Variants in SPOCK3 observed in about 807,000 individuals in gnomAD.
SPOCK3 encodes testican-3.
In SPOCK3, 30 loss-of-function variants were observed where a neutral mutation model predicts 56.6. That is an observed-to-expected ratio of 0.53 (90% CI 0.40 to 0.72). SPOCK3 has a LOEUF of 0.72. Ranked by LOEUF, SPOCK3 falls within the 30% of genes least tolerant of loss-of-function variation. The pLI is 0.00. For missense variants in SPOCK3, 527 were observed against 530.0 expected (o/e 0.99, Z 0.06); for synonymous variants, 196 against 183.3 (o/e 1.07, Z -0.56).
At position 166,858,809 on chromosome 4, in the gene SPOCK3, TC is replaced by T. The variant is rs370618304; in HGVS notation, c.589+30320del. ...AACAAATACAAGCACATTATTTTCT[TC>T]CTGCTCACTGTTGGGCTCTTTTCAT... On this transcript the variant is annotated intron_variant, in intron 6 of 10. Transcript: ENST00000357545. Among the ~76,000 whole-genome samples, 589 of 152,308 alleles carry T rather than the reference TC, an allele frequency of 3.9e-3. 3 individuals carry two copies. The highest frequency in any genetic ancestry group is 0.013 in the African/African-American group (548 of 41,574).
At chr4:167,129,601 C>T (rs969687792) in intron 2 of SPOCK3, among the ~76,000 whole-genome samples, 1 of 151,650 alleles carries the variant, frequency 6.6e-6, no homozygotes, top group Admixed American at 6.6e-5. Context: ...TTCTTCATTT[C>T]CTTGTCACTC....
chr4:167,107,544 T>C (rs968564550), intron 2 of SPOCK3, among the ~76,000 whole-genome samples: 8 of 151,858 alleles, frequency 5.3e-5, no homozygotes, highest in Non-Finnish European at 1.0e-4. Context: ...TAGTATCATA[T>C]TGAATAAAGA....
chr4:167,030,528 G>T (rs10012353), intron 3 of SPOCK3, among the ~76,000 whole-genome samples: 2 of 151,858 alleles, frequency 1.3e-5, no homozygotes, highest in African/African-American at 2.4e-5. Context: ...GCAAGAAAAT[G>T]ACATTCTGTA....
At chr4:166,845,994 G>A (rs1467779158) in intron 6 of SPOCK3, among the ~76,000 whole-genome samples, 2 of 152,222 alleles carry the variant, frequency 1.3e-5, no homozygotes, top group Non-Finnish European at 1.5e-5. Context: ...ACTGAATAGT[G>A]TAGGCAATTA....
chr4:166,794,284 T>C (rs934622633), intron 6 of SPOCK3, among the ~76,000 whole-genome samples: 2 of 150,914 alleles, frequency 1.3e-5, no homozygotes, highest in South Asian at 4.2e-4. Flanking sequence ...TGTCTCTGTT[T>C]AAGCCATCTT....
intron 8 of SPOCK3, among the ~76,000 whole-genome samples, chr4:166,749,983 C>A (rs1413955549): frequency 6.6e-6 from 1 of 151,988 alleles, no homozygotes; most frequent in Admixed American, 6.6e-5. Flanking sequence ...ACTTGAACAC[C>A]CTCGTGCATT....
chr4:166,754,822 G>C (rs1199658836), intron 7 of SPOCK3, 93 bp from the exon 8 acceptor site: 1 of 1,083,780 alleles, frequency 9.2e-7, no homozygotes, highest in African/African-American at 1.6e-5. Context: ...GCTAGTGTAG[G>C]ACATCTAATG....
At chr4:166,911,593 A>G (rs1737278662) in intron 5 of SPOCK3, among the ~76,000 whole-genome samples, 1 of 152,126 alleles carries the variant, frequency 6.6e-6, no homozygotes, top group South Asian at 2.1e-4. Context: ...GCTGGAGTAC[A>G]ATGGCGCAAT....
intron 4 of SPOCK3, among the ~76,000 whole-genome samples, chr4:166,965,284 G>A (rs1204839651): frequency 6.6e-6 from 1 of 151,662 alleles, no homozygotes; most frequent in Non-Finnish European, 1.5e-5. Flanking sequence ...TTGTTTTCAT[G>A]GCTGTATTTA....
intron 6 of SPOCK3, among the ~76,000 whole-genome samples, chr4:166,879,281 C>A (rs538074371): frequency 1.3e-5 from 2 of 152,106 alleles, no homozygotes; most frequent in African/African-American, 2.4e-5. Flanking sequence ...GTAATCCCAG[C>A]GCTTTGGGAG....
At chr4:166,932,934 TTGA>T (rs1739956398) in intron 4 of SPOCK3, among the ~76,000 whole-genome samples, 1 of 152,178 alleles carries the variant, frequency 6.6e-6, no homozygotes, top group African/African-American at 2.4e-5. Flanking sequence ...AGGTTGATTG[TTGA>T]TATAATAATC....
At chr4:166,980,360 A>G (rs1407989785) in intron 4 of SPOCK3, among the ~76,000 whole-genome samples, 1 of 152,252 alleles carries the variant, frequency 6.6e-6, no homozygotes, top group Non-Finnish European at 1.5e-5. Flanking sequence ...CTCCATTACC[A>G]TTACCAAGAA....
At chr4:166,765,750 G>A (rs1737935275) in intron 7 of SPOCK3, among the ~76,000 whole-genome samples, 2 of 152,120 alleles carry the variant, frequency 1.3e-5, no homozygotes, top group Non-Finnish European at 2.9e-5. Context: ...TGATGGGGAT[G>A]GTATTGAATC....
intron 4 of SPOCK3, among the ~76,000 whole-genome samples, chr4:166,981,261 C>T (rs1746535176): frequency 6.6e-6 from 1 of 151,866 alleles, no homozygotes; most frequent in South Asian, 2.1e-4. Context: ...GCAGATCATC[C>T]TGATGAGCGT....
chr4:167,222,141 C>T (rs35001603), intron 2 of SPOCK3, among the ~76,000 whole-genome samples: 4,832 of 152,132 alleles, frequency 0.032, 113 homozygotes, highest in Middle Eastern at 0.075. Flanking sequence ...AAAGGAAACC[C>T]TGTCACATGC....
At chr4:166,818,308 T>G (rs2126750805) in intron 6 of SPOCK3, among the ~76,000 whole-genome samples, 1 of 152,088 alleles carries the variant, frequency 6.6e-6, no homozygotes, top group Non-Finnish European at 1.5e-5. Flanking sequence ...CTTTTAAATC[T>G]CTCAATATAG....
At chr4:167,056,160 C>G (rs1017057528) in intron 3 of SPOCK3, among the ~76,000 whole-genome samples, 1 of 152,204 alleles carries the variant, frequency 6.6e-6, no homozygotes, top group Admixed American at 6.5e-5. Flanking sequence ...ATCCGCTGTT[C>G]TGCAGCCACC....
intron 3 of SPOCK3, among the ~76,000 whole-genome samples, chr4:167,049,992 C>T (rs780515862): frequency 3.9e-5 from 6 of 152,086 alleles, no homozygotes; most frequent in Admixed American, 6.6e-5. Flanking sequence ...TCCAAACCTC[C>T]GCTACACCAC....
rs1266728577 is a variant in SPOCK3, at chr4:167,181,558, C to T, written c.189+52427G>A. Among the ~76,000 whole-genome samples the T allele has an allele frequency of 3.3e-5, 5 of 152,134 alleles. No homozygotes were observed. The South Asian group carries it at 8.3e-4, about 25-fold the overall frequency. On this transcript the variant is annotated intron_variant, in intron 2 of 10. Coordinates refer to ENST00000357545, the MANE Select transcript of SPOCK3 (RefSeq NM_001040159.2). The stretch of plus-strand genomic sequence containing the variant: ...AAAAAGTTGTTTTATGATCTTCCTC[C>T]TTACTACCACTCTGACTTTATCTTC...
Sources: gnomAD v4.1 joint callset for allele counts (sites outside exome capture counted in the v4.1 genomes callset) on GRCh38, gnomAD v4.1.1 for gene constraint, MANE v1.5 for transcripts, NCBI Gene and HGNC (gene_info 2026-07-23, HGNC 2026-07-21) for gene names.